The following ZBTB7C variants were observed in gnomAD, a reference collection of about 807,000 sequenced individuals.
ZBTB7C encodes the protein zinc finger and BTB domain containing 7C, also known as zinc finger and BTB domain-containing protein 7C.
A neutral mutation model predicts 25.7 loss-of-function variants in ZBTB7C; 8 were observed. The ratio of observed to expected loss-of-function variants is 0.31; its 90% CI spans 0.18 to 0.56. The LOEUF (loss-of-function observed/expected upper bound fraction) is 0.56, where lower values mean the gene tolerates loss of function less well. ZBTB7C is among the 20% of genes least tolerant of loss of function. The probability of loss-of-function intolerance (pLI) is 0.91; values close to 1 mark genes in which losing one functional copy is unlikely to be tolerated. For missense variants in ZBTB7C, 824 were observed against 855.2 expected (o/e 0.96, Z 0.46); for synonymous variants, 394 against 369.0 (o/e 1.07, Z -0.78).
At chr18:48,154,142 A>G (rs1404800304) in intron 3 of ZBTB7C, among the ~76,000 whole-genome samples, 1 of 152,168 alleles carries the variant, frequency 6.6e-6, no homozygotes, top group Non-Finnish European at 1.5e-5. Context: ...GCTGGGCACA[A>G]TTCTGGGCTT....
chr18:48,094,037 C>T (rs769912678), intron 3 of ZBTB7C, among the ~76,000 whole-genome samples: 8 of 152,000 alleles, frequency 5.3e-5, no homozygotes, highest in African/African-American at 9.7e-5. Context: ...CCAGCCTGGG[C>T]GACAGAGCGA....
chr18:48,339,669 A>G (rs1378471195), intron 1 of ZBTB7C, among the ~76,000 whole-genome samples: 1 of 151,776 alleles, frequency 6.6e-6, no homozygotes, highest in Non-Finnish European at 1.5e-5. Context: ...ATGAGTGGGA[A>G]TGGGAAGGAG....
chr18:48,213,659 G>A (rs1364962520), intron 2 of ZBTB7C, among the ~76,000 whole-genome samples: 1 of 152,164 alleles, frequency 6.6e-6, no homozygotes, highest in African/African-American at 2.4e-5. Context: ...AAGAGGACTG[G>A]GCACAGACAG....
intron 2 of ZBTB7C, among the ~76,000 whole-genome samples, chr18:48,294,484 G>A (rs56343080): frequency 0.12 from 17,883 of 152,126 alleles, 1,331 homozygotes; most frequent in Non-Finnish European, 0.17. Context: ...TGCCAGTGCT[G>A]GGAAGGAAGT....
At chr18:48,365,419 ACT>A (rs1189107788) in intron 1 of ZBTB7C, among the ~76,000 whole-genome samples, 1 of 152,156 alleles carries the variant, frequency 6.6e-6, no homozygotes. Context: ...ATGGGATGTC[ACT>A]CTGTGATTAT....
chr18:48,101,524 C>G (rs191044718), intron 3 of ZBTB7C, among the ~76,000 whole-genome samples: 1 of 152,172 alleles, frequency 6.6e-6, no homozygotes, highest in African/African-American at 2.4e-5. Context: ...GGACTGACCA[C>G]GTTTCCAGTG....
chr18:48,103,182 AG>A (rs1433510758), intron 3 of ZBTB7C, among the ~76,000 whole-genome samples: 4 of 147,474 alleles, frequency 2.7e-5, no homozygotes, highest in African/African-American at 1.0e-4. Context: ...ATGGGGTGCT[AG>A]GGGGTCACAG....
intron 3 of ZBTB7C, among the ~76,000 whole-genome samples, chr18:48,113,091 T>A (rs936129580): frequency 3.9e-5 from 6 of 152,206 alleles, no homozygotes; most frequent in Admixed American, 6.5e-5. Context: ...GATGGGGTGA[T>A]ATTTCTTGAG....
At chr18:48,173,640 C>T (rs915750298) in intron 3 of ZBTB7C, among the ~76,000 whole-genome samples, 1 of 152,252 alleles carries the variant, frequency 6.6e-6, no homozygotes, top group Non-Finnish European at 1.5e-5. Context: ...TAAGGAGGCA[C>T]TCACTGTCAG....
chr18:48,305,361 A>G (rs1373132736), intron 2 of ZBTB7C, among the ~76,000 whole-genome samples: 1 of 152,174 alleles, frequency 6.6e-6, no homozygotes, highest in Non-Finnish European at 1.5e-5. Context: ...TGGGACTGTC[A>G]GGTCCCCAGG....
intron 2 of ZBTB7C, among the ~76,000 whole-genome samples, chr18:48,232,985 A>C (rs2043291999): frequency 6.6e-6 from 1 of 152,206 alleles, no homozygotes; most frequent in African/African-American, 2.4e-5. Flanking sequence ...GTGAAACAGT[A>C]TATAAGAGTA....
chr18:48,308,163 C>A (rs1329478815), intron 2 of ZBTB7C, among the ~76,000 whole-genome samples: 6 of 151,942 alleles, frequency 3.9e-5, no homozygotes, highest in African/African-American at 1.5e-4. Flanking sequence ...CACCACACAC[C>A]CACACACACA....
At chr18:48,297,021 G>A (rs1307017703) in intron 2 of ZBTB7C, among the ~76,000 whole-genome samples, 1 of 152,078 alleles carries the variant, frequency 6.6e-6, no homozygotes, top group Non-Finnish European at 1.5e-5. Flanking sequence ...GTTGATCTGA[G>A]GTGGAACAGT....
At chr18:48,102,824 C>T (rs1277712203) in intron 3 of ZBTB7C, among the ~76,000 whole-genome samples, 1 of 151,738 alleles carries the variant, frequency 6.6e-6, no homozygotes, top group Non-Finnish European at 1.5e-5. Context: ...GCATTTATAT[C>T]TCATACAGGT....
intron 1 of ZBTB7C, among the ~76,000 whole-genome samples, chr18:48,371,331 C>CAT (rs2047383618): frequency 6.6e-6 from 1 of 152,160 alleles, no homozygotes; most frequent in East Asian, 1.9e-4. Context: ...ATTTTGTTTC[C>CAT]ATCCTGTGGA....
intron 2 of ZBTB7C, among the ~76,000 whole-genome samples, chr18:48,275,096 C>G (rs764827974): frequency 5.3e-5 from 8 of 152,196 alleles, no homozygotes; most frequent in Non-Finnish European, 8.8e-5. Context: ...GTGAGCAAAA[C>G]AACCACTTAA....
rs758442541 is a variant in ZBTB7C, at chr18:48,039,971, C to A, written c.1137G>T (p.Leu379=). 2 of 1,614,066 alleles carry A rather than the reference C, an allele frequency of 1.2e-6. No homozygotes were observed. Among genetic ancestry groups the A allele is most frequent in the Non-Finnish European group, 1.7e-6 (2 of 1,180,046 alleles). The change falls in exon 4 of 5, where the codon CTG becomes CTT. Residue 379 remains leucine, a synonymous_variant. Transcript: ENST00000590800. ...CHKVIMGAGK[L]PRHMRTHTGE... ...CGGTATGGGTCCTCATGTGCCGCGG[C>A]AGCTTCCCGGCCCCCATGATGACTT...
chr18:48,232,012 A>G (rs144024058), intron 2 of ZBTB7C, among the ~76,000 whole-genome samples: 151 of 152,316 alleles, frequency 9.9e-4, no homozygotes, highest in African/African-American at 3.4e-3. Context: ...ATTTGCTCAC[A>G]TACCCCTCGC....
chr18:48,270,553 G>T (rs765307819), intron 2 of ZBTB7C, among the ~76,000 whole-genome samples: 7 of 151,044 alleles, frequency 4.6e-5, no homozygotes, highest in Non-Finnish European at 7.4e-5. Flanking sequence ...AGCCAGGTGT[G>T]GTGGCACGCA....
Sources: allele counts gnomAD v4.1 joint callset (sites outside exome capture counted in the v4.1 genomes callset), GRCh38; gene constraint gnomAD v4.1.1; transcripts MANE v1.5; gene names NCBI Gene and HGNC (gene_info 2026-07-23, HGNC 2026-07-21).